Variants in NCSTN observed in about 807,000 individuals in gnomAD.
NCSTN encodes anterior pharynx-defective 2.
Under a neutral mutation model 87.0 loss-of-function variants are expected in NCSTN, and 22 were observed. The observed-to-expected ratio is 0.25, with a 90% CI of 0.18 to 0.36. The LOEUF (loss-of-function observed/expected upper bound fraction) is 0.36. Among genes scored for constraint, NCSTN ranks in the 10% least tolerant of loss-of-function variants. The pLI is 1.00. For missense variants in NCSTN, 693 were observed against 883.3 expected, an observed-to-expected ratio of 0.78 and a Z score of 2.73; for synonymous variants, 306 against 327.1, an observed-to-expected ratio of 0.94 and a Z score of 0.69.
rs778479314 is a variant in NCSTN at position 160,351,144 on chromosome 1, T to C, written c.583-78T>C. The C allele has an allele frequency of 5.3e-4, 779 of 1,478,770 alleles. 2 individuals carry two copies. Among genetic ancestry groups the C allele is most frequent in the Non-Finnish European group, 6.5e-4 (685 of 1,058,662 alleles). 91.6% of individuals were successfully genotyped at this position (1,478,770 alleles called of 1,614,324 possible). Reference sequence around the variant, plus strand: ...TGGCTCCATCCCAAAAGGATGGAACTGGGCCCTCCTCCTTCTGGGATGTAA... The same window carrying C: ...TGGCTCCATCCCAAAAGGATGGAACCGGGCCCTCCTCCTTCTGGGATGTAA... On this transcript the variant is annotated intron_variant, in intron 5 of 16. Transcript: ENST00000294785.
intron 1 of NCSTN, chr1:160,344,367 G>C: frequency 9.4e-7 from 1 of 1,068,640 alleles, no homozygotes; most frequent in South Asian, 1.7e-5. Context: ...TAACCAATTA[G>C]TAATATACAT....
Position 160,356,252 on chromosome 1 carries a change from A to C in NCSTN, c.1552-8A>C. ...CAGGGTTTTCTCTCTTTACTGTTCC[A>C]ATCCTAGGTTACCCGCCTGCTCTAT... is the stretch of plus-strand genomic sequence containing the variant. On this transcript the variant is annotated splice_polypyrimidine_tract_variant and splice_region_variant and intron_variant, in intron 13 of 16. Coordinates refer to ENST00000294785, the MANE Select transcript of NCSTN (RefSeq NM_015331.3). 1 of 1,603,326 alleles carries C rather than the reference A, an allele frequency of 6.2e-7. No individual in the cohort carries two copies. Among genetic ancestry groups the C allele is most frequent in the Non-Finnish European group, 8.5e-7 (1 of 1,170,234 alleles).
At chr1:160,356,820 C>T in intron 15 of NCSTN, 66 bp downstream of exon 15, 2 of 1,596,982 alleles carry the variant, frequency 1.3e-6, no homozygotes, top group South Asian at 1.1e-5. Context: ...GGAGGTTCTT[C>T]TAGACCTAGT....
At chr1:160,350,525 C>G (rs1459496692) in intron 5 of NCSTN, among the ~76,000 whole-genome samples, 1 of 151,764 alleles carries the variant, frequency 6.6e-6, no homozygotes, top group African/African-American at 2.4e-5. Context: ...TTCTGGTACA[C>G]CTGCTGAAAG....
intron 2 of NCSTN, among the ~76,000 whole-genome samples, chr1:160,348,168 G>A (rs913115055): frequency 6.6e-6 from 1 of 152,194 alleles, no homozygotes; most frequent in African/African-American, 2.4e-5. Flanking sequence ...ACAGATCACT[G>A]GGGACTTAAG....
chr1:160,351,107 C>G, intron 5 of NCSTN, 115 bp from the exon 6 acceptor site: 1 of 1,071,824 alleles, frequency 9.3e-7, no homozygotes, highest in Non-Finnish European at 1.4e-6. Context: ...ATAAATGTCT[C>G]CGAAAAGGGT....
intron 4 of NCSTN, 44 bp downstream of exon 4, chr1:160,349,714 C>T: frequency 3.7e-6 from 6 of 1,610,004 alleles, no homozygotes; most frequent in Non-Finnish European, 5.1e-6. Context: ...TCACCTAAGG[C>T]TCACTGTTGC....
At position 160,343,408 on chromosome 1, in the gene NCSTN, A is replaced by AG. The variant is rs1266104510; in HGVS notation, c.17dup (p.Gly7TrpfsTer5). On this transcript the variant is annotated frameshift_variant, in exon 1 of 17. Coordinates refer to ENST00000294785, the MANE Select transcript of NCSTN (RefSeq NM_015331.3). LOFTEE classifies it high-confidence loss of function. ...AGCAGAGAGGCAAGATGGCTACGGC[A>AG]GGGGGTGGCTCTGGGGCTGACCCGG... The AG allele has an allele frequency of 6.2e-7, 1 of 1,613,032 alleles. No homozygotes were observed.
At chr1:160,346,753 G>T (rs185226684) in intron 2 of NCSTN, among the ~76,000 whole-genome samples, 1 of 152,180 alleles carries the variant, frequency 6.6e-6, no homozygotes, top group Middle Eastern at 3.4e-3. Context: ...TTACAGGCGC[G>T]TGCCACCGTG....
rs60806731 is a variant in NCSTN at position 160,354,431 on chromosome 1, G to A, written c.1352+141G>A. On this transcript the variant is annotated intron_variant, in intron 11 of 16. Coordinates refer to ENST00000294785, the MANE Select transcript of NCSTN (RefSeq NM_015331.3). ...CCATCTGTATTCTTTGCTCAGTGGC[G>A]TTTTCACATCTGAACTGAAACCCTT... 512 of 920,250 alleles carry A rather than the reference G, an allele frequency of 5.6e-4. 5 individuals are homozygous for A. In the East Asian group the frequency reaches 0.011, roughly 19 times the overall value. The allele number at this position is 920,250 out of a possible 1,614,324, so 57.0% of individuals were successfully genotyped here.
Position 160,355,703 on chromosome 1 carries a change from T to C in NCSTN, c.1401T>C (p.Tyr467=). Residue 467 remains tyrosine, a synonymous_variant, in exon 12 of 17, where the codon TAT becomes TAC. Coordinates refer to ENST00000294785, the MANE Select transcript of NCSTN (RefSeq NM_015331.3). The stretch of plus-strand genomic sequence containing the variant: ...CTGCTGAGAACATTAATGTGAGCTA[T>C]CCCGAATGGCTGAGCCCTGAAGAGG... ...YDTAENINVS[Y]PEWLSPEEDL... 6.2e-7 allele frequency: 1 copy of C among 1,614,194 alleles called. No homozygotes were observed. The highest frequency in any genetic ancestry group is 8.5e-7 in the Non-Finnish European group (1 of 1,180,016).
intron 2 of NCSTN, among the ~76,000 whole-genome samples, chr1:160,345,938 G>GAAAAAAAAAA (rs56358787): frequency 3.3e-5 from 2 of 59,788 alleles, no homozygotes; most frequent in African/African-American, 1.3e-4. Context: ...GACACTGTCT[G>GAAAAAAAAAA]AAAAAAAAAA....
At chr1:160,357,976 A>G (rs573151014) in intron 16 of NCSTN, among the ~76,000 whole-genome samples, 173 bp from the exon 17 acceptor site, 3 of 152,352 alleles carry the variant, frequency 2.0e-5, no homozygotes, top group East Asian at 3.9e-4. Flanking sequence ...TCTCTTTTCA[A>G]ATGGGGAGAC....
At chr1:160,351,633 T>A in intron 6 of NCSTN, 63 bp from the exon 7 acceptor site, 4 of 1,437,538 alleles carry the variant, frequency 2.8e-6, no homozygotes, top group Non-Finnish European at 3.9e-6. Flanking sequence ...ATTTCCAATG[T>A]TGCCTTTATA....
intron 15 of NCSTN, 129 bp from the exon 16 acceptor site, chr1:160,356,912 C>T: frequency 7.4e-7 from 1 of 1,359,612 alleles, no homozygotes; most frequent in Non-Finnish European, 1.0e-6. Context: ...TGAAAATGGA[C>T]CATCTGAAGG....
chr1:160,358,118 T>G (rs747443663), intron 16 of NCSTN, 31 bp from the exon 17 acceptor site: 1 of 1,614,134 alleles, frequency 6.2e-7, no homozygotes, highest in Admixed American at 1.7e-5. Flanking sequence ...GAGAATGCCT[T>G]TGTCCTTTCC....
At chr1:160,349,443 ACAGT>A in intron 3 of NCSTN, 102 bp from the exon 4 acceptor site, 13 of 1,446,214 alleles carry the variant, frequency 9.0e-6, no homozygotes, top group Non-Finnish European at 1.3e-5. Flanking sequence ...AAATAAGTCA[ACAGT>A]TTGATTCCCC....
intron 11 of NCSTN, 143 bp from the exon 12 acceptor site, chr1:160,355,512 A>G (rs1399257076): frequency 8.5e-6 from 6 of 708,570 alleles, no homozygotes; most frequent in Admixed American, 4.0e-5. Flanking sequence ...ACCTTCTGCA[A>G]TATGGGATCC....
chr1:160,358,061 A>G lies in NCSTN; in HGVS notation c.2008-88A>G, dbSNP rs201615462. On this transcript the variant is annotated intron_variant, in intron 16 of 16. Coordinates refer to ENST00000294785, the MANE Select transcript of NCSTN (RefSeq NM_015331.3). ...GCTTAGAGCCAGCATCCGAATTCCCATGGCTCCAAACCCCAAACAGTTATC... is the reference window on the plus strand; with the variant it reads ...GCTTAGAGCCAGCATCCGAATTCCCGTGGCTCCAAACCCCAAACAGTTATC... 3.3e-4 allele frequency: 519 copies of G among 1,575,894 alleles called. 1 individual carries two copies. Among genetic ancestry groups the G allele is most frequent in the Non-Finnish European group, 3.3e-4 (376 of 1,146,290 alleles).
Sources: gnomAD v4.1 joint callset for allele counts (sites outside exome capture counted in the v4.1 genomes callset) on GRCh38, gnomAD v4.1.1 for gene constraint, MANE v1.5 for transcripts, NCBI Gene and HGNC (gene_info 2026-07-23, HGNC 2026-07-21) for gene names.